Variants in PTPRD observed in about 807,000 individuals in gnomAD.
PTPRD encodes the protein receptor-type tyrosine-protein phosphatase delta.
A neutral mutation model predicts 214.5 loss-of-function variants in PTPRD; 34 were observed. That is an observed-to-expected ratio of 0.16 (90% CI 0.12 to 0.21). PTPRD has a LOEUF of 0.21. PTPRD is among the 10% of genes least tolerant of loss of function. The pLI is 1.00. For missense variants in PTPRD, 2,545 were observed against 2,398.7 expected (o/e 1.06, Z -1.27); for synonymous variants, 1,128 against 845.7 (o/e 1.33, Z -5.79).
chr9:9,234,095 C>G (rs1039577975), intron 9 of PTPRD, among the ~76,000 whole-genome samples: 2 of 152,174 alleles, frequency 1.3e-5, no homozygotes, highest in Non-Finnish European at 2.9e-5. Context: ...AGGGCTCAGC[C>G]CCTGCAGCAA....
intron 9 of PTPRD, among the ~76,000 whole-genome samples, chr9:9,343,610 T>C (rs529472949): frequency 2.6e-5 from 4 of 152,296 alleles, no homozygotes; most frequent in South Asian, 2.1e-4. Flanking sequence ...AGTTTGAAGG[T>C]AGCATTGGAG....
intron 11 of PTPRD, among the ~76,000 whole-genome samples, chr9:8,823,629 G>C (rs565178186): frequency 2.0e-5 from 3 of 151,858 alleles, no homozygotes; most frequent in African/African-American, 4.8e-5. Context: ...CCAGCCTGGG[G>C]AAACAGAGTG....
intron 7 of PTPRD, among the ~76,000 whole-genome samples, chr9:9,657,743 T>A (rs939993966): frequency 1.1e-4 from 17 of 152,232 alleles, no homozygotes; most frequent in African/African-American, 3.9e-4. Context: ...TTCTTTGACA[T>A]AGGACCCACA....
chr9:10,031,479 C>A (rs2097065962), intron 4 of PTPRD, among the ~76,000 whole-genome samples: 1 of 151,324 alleles, frequency 6.6e-6, no homozygotes, highest in Admixed American at 6.6e-5. Flanking sequence ...ACATCTTTCT[C>A]CAGTGCTGGA....
chr9:9,244,878 A>G (rs1273254934), intron 9 of PTPRD, among the ~76,000 whole-genome samples: 2 of 152,306 alleles, frequency 1.3e-5, no homozygotes, highest in East Asian at 3.9e-4. Context: ...AATTTCTGCA[A>G]TCTACTCATC....
In PTPRD at chr9:8,440,303, A is replaced by G. The variant is rs923224589; in HGVS notation, c.3989-3614T>C. Among the ~76,000 whole-genome samples the G allele has an allele frequency of 3.4e-4, 49 of 145,254 alleles. 1 individual carries two copies. Among genetic ancestry groups the G allele is most frequent in the Admixed American group, 2.8e-3 (39 of 13,836 alleles). On this transcript the variant is annotated intron_variant, in intron 34 of 45. Coordinates refer to ENST00000381196, the MANE Select transcript of PTPRD (RefSeq NM_002839.4). ...CTCATCAGTTAGAAGCTACAAATGT[A>G]CAATAGAAATGTATTATTTTTTTTT...
At chr9:9,855,299 GTATTCAATA>G (rs1396521993) in intron 5 of PTPRD, among the ~76,000 whole-genome samples, 2 of 152,168 alleles carry the variant, frequency 1.3e-5, no homozygotes, top group African/African-American at 4.8e-5. Flanking sequence ...AAGCTTTGAA[GTATTCAATA>G]TATGGTAACA....
chr9:10,093,326 C>T (rs2098451130), intron 3 of PTPRD, among the ~76,000 whole-genome samples: 1 of 151,066 alleles, frequency 6.6e-6, no homozygotes, highest in Admixed American at 6.6e-5. Context: ...TACAAATGGC[C>T]AACAAACATG....
chr9:9,405,349 G>A (rs893135212), intron 8 of PTPRD, among the ~76,000 whole-genome samples: 1 of 151,974 alleles, frequency 6.6e-6, no homozygotes, highest in Non-Finnish European at 1.5e-5. Flanking sequence ...CAGGTTCCTC[G>A]AGGGTTACCA....
chr9:8,607,862 A>G (rs779891418), intron 14 of PTPRD, among the ~76,000 whole-genome samples: 2 of 152,184 alleles, frequency 1.3e-5, no homozygotes, highest in Non-Finnish European at 2.9e-5. Flanking sequence ...CAACCTAGCA[A>G]TAAGTTTAAG....
intron 30 of PTPRD, among the ~76,000 whole-genome samples, chr9:8,481,620 C>A (rs532161844): frequency 6.6e-6 from 1 of 152,078 alleles, no homozygotes; most frequent in South Asian, 2.1e-4. Flanking sequence ...TCTAATAATC[C>A]CTCTCTGTGT....
intron 2 of PTPRD, among the ~76,000 whole-genome samples, chr9:10,602,307 G>T (rs563179002): frequency 6.6e-6 from 1 of 151,710 alleles, no homozygotes; most frequent in Non-Finnish European, 1.5e-5. Flanking sequence ...TAACAAAGAC[G>T]TTTCTCTTGT....
intron 3 of PTPRD, among the ~76,000 whole-genome samples, chr9:10,232,431 G>A (rs1007242472): frequency 7.9e-5 from 12 of 151,974 alleles, no homozygotes; most frequent in Non-Finnish European, 1.8e-4. Flanking sequence ...CCTAGAAACA[G>A]AGCTCTTGAG....
In PTPRD at chr9:9,838,172, TGGACATTTGGGTTGGTTCCA is replaced by T. The variant is rs557867236; in HGVS notation, c.-367-71341_-367-71322del. Reference sequence around the variant, plus strand: ...TTTTCTTAATCCAGTCTATCATTGTTGGACATTTGGGTTGGTTCCAAGTCTTTGCTATTGTGAATAGTGCT... The same window carrying T: ...TTTTCTTAATCCAGTCTATCATTGTTAGTCTTTGCTATTGTGAATAGTGCT... On this transcript the variant is annotated intron_variant, in intron 5 of 45. Transcript: ENST00000381196. Among the ~76,000 whole-genome samples, 1,289 of 152,370 alleles carry T rather than the reference TGGACATTTGGGTTGGTTCCA, an allele frequency of 8.5e-3. 17 individuals are homozygous for T. The highest frequency in any genetic ancestry group is 0.03 in the African/African-American group (1,227 of 41,574).
chr9:10,594,276 CAT>C (rs1254463585), intron 2 of PTPRD, among the ~76,000 whole-genome samples: 5 of 151,912 alleles, frequency 3.3e-5, no homozygotes, highest in African/African-American at 1.2e-4. Flanking sequence ...TTATATTGCA[CAT>C]GTCTTCAGTA....
chr9:10,216,042 A>C (rs2099539596), intron 3 of PTPRD, among the ~76,000 whole-genome samples: 1 of 151,996 alleles, frequency 6.6e-6, no homozygotes, highest in South Asian at 2.1e-4. Context: ...AATTTTAGGA[A>C]AAATTTTAAA....
intron 9 of PTPRD, among the ~76,000 whole-genome samples, chr9:9,397,005 A>G (rs2068107636): frequency 6.6e-6 from 1 of 152,040 alleles, no homozygotes; most frequent in Non-Finnish European, 1.5e-5. Context: ...AATATAAGGC[A>G]ATTATGTAAG....
intron 5 of PTPRD, among the ~76,000 whole-genome samples, chr9:9,799,210 T>C (rs1472367225): frequency 6.6e-6 from 1 of 152,138 alleles, no homozygotes; most frequent in African/African-American, 2.4e-5. Flanking sequence ...GAAGAGCACA[T>C]TAAATGCTAA....
At chr9:9,184,680 A>G (rs1372097401) in intron 9 of PTPRD, among the ~76,000 whole-genome samples, 1 of 152,058 alleles carries the variant, frequency 6.6e-6, no homozygotes, top group African/African-American at 2.4e-5. Flanking sequence ...TAGATTTCCC[A>G]CATTAGATTG....
Sources: gnomAD v4.1 joint callset for allele counts (sites outside exome capture counted in the v4.1 genomes callset) on GRCh38, gnomAD v4.1.1 for gene constraint, MANE v1.5 for transcripts, NCBI Gene and HGNC (gene_info 2026-07-23, HGNC 2026-07-21) for gene names.